The following SLC38A11 variants were observed in gnomAD, a reference collection of about 807,000 sequenced individuals.
SLC38A11 encodes solute carrier family 38 member 11, also known as putative sodium-coupled neutral amino acid transporter 11.
SLC38A11 carries 51 observed loss-of-function variants against 49.4 expected under a neutral mutation model. The ratio of observed to expected loss-of-function variants is 1.03; its 90% CI spans 0.83 to 1.30. The LOEUF is 1.30. Ranked by LOEUF, SLC38A11 falls within the 50% of genes most tolerant of loss-of-function variation. The pLI is 0.00. For missense variants in SLC38A11, 574 were observed against 556.2 expected (o/e 1.03, Z -0.32); for synonymous variants, 203 against 192.9 (o/e 1.05, Z -0.43).
At chr2:164,939,930 A>G (rs1434312416) in intron 5 of SLC38A11, among the ~76,000 whole-genome samples, 1 of 150,708 alleles carries the variant, frequency 6.6e-6, no homozygotes, top group East Asian at 1.9e-4. Flanking sequence ...CCTGCCCAAA[A>G]CTCTTTAATG....
At chr2:164,929,498 C>G (rs992745810) in intron 7 of SLC38A11, among the ~76,000 whole-genome samples, 14 of 152,078 alleles carry the variant, frequency 9.2e-5, no homozygotes, top group African/African-American at 3.1e-4. Flanking sequence ...AAAATTCTTT[C>G]TCTTTCTATG....
At chr2:164,929,673 G>A (rs542480718) in intron 7 of SLC38A11, among the ~76,000 whole-genome samples, 4 of 152,032 alleles carry the variant, frequency 2.6e-5, no homozygotes, top group Non-Finnish European at 5.9e-5. Flanking sequence ...CTAATAATAG[G>A]ACTAACCTTG....
chr2:164,941,917 T>C (rs1195828309), intron 5 of SLC38A11, among the ~76,000 whole-genome samples: 3 of 151,962 alleles, frequency 2.0e-5, no homozygotes, highest in South Asian at 4.1e-4. Flanking sequence ...TGAAATTACA[T>C]GTATTCTTAA....
chr2:164,907,270 C>CTCTTT (rs1685074291), intron 11 of SLC38A11, among the ~76,000 whole-genome samples: 2 of 97,918 alleles, frequency 2.0e-5, no homozygotes, highest in South Asian at 4.4e-4. Context: ...CTTCTTTTCT[C>CTCTTT]TTTTTTTTTT....
chr2:164,926,534 A>G (rs1638591258), intron 7 of SLC38A11, among the ~76,000 whole-genome samples: 1 of 151,556 alleles, frequency 6.6e-6, no homozygotes, highest in Admixed American at 6.6e-5. Flanking sequence ...AAGGTTTATA[A>G]ATCATGCTGC....
At chr2:164,949,758 T>G (rs1332549865) in intron 3 of SLC38A11, among the ~76,000 whole-genome samples, 1 of 152,174 alleles carries the variant, frequency 6.6e-6, no homozygotes, top group Admixed American at 6.5e-5. Flanking sequence ...TGTGAAAGCT[T>G]ATTCTCTCTC....
intron 8 of SLC38A11, 54 bp from the exon 9 acceptor site, chr2:164,915,327 T>G: frequency 6.6e-7 from 1 of 1,507,298 alleles, no homozygotes; most frequent in South Asian, 1.3e-5. Context: ...GTTTTCTTTT[T>G]TAGTTCTGAA....
intron 7 of SLC38A11, among the ~76,000 whole-genome samples, chr2:164,929,957 A>C (rs1409559458): frequency 6.6e-6 from 1 of 151,892 alleles, no homozygotes; most frequent in East Asian, 1.9e-4. Flanking sequence ...CAAAAGATCA[A>C]TGAATCCAGG....
chr2:164,951,686 C>T (rs1688531960), intron 3 of SLC38A11, among the ~76,000 whole-genome samples: 2 of 152,112 alleles, frequency 1.3e-5, no homozygotes, highest in Admixed American at 6.5e-5. Context: ...TGGAGGATCT[C>T]TAGAAGCAGA....
intron 6 of SLC38A11, 164 bp from the exon 7 acceptor site, chr2:164,937,593 G>A (rs989094187): frequency 1.5e-4 from 85 of 552,248 alleles, no homozygotes; most frequent in Middle Eastern, 1.4e-3. Flanking sequence ...TCTCAGGCAG[G>A]TAACTTCTTA....
At chr2:164,948,851 C>T (rs1009529301) in intron 3 of SLC38A11, among the ~76,000 whole-genome samples, 1 of 151,740 alleles carries the variant, frequency 6.6e-6, no homozygotes, top group Non-Finnish European at 1.5e-5. Flanking sequence ...TTTGCATTCC[C>T]ACATTTCCAT....
At chr2:164,939,698 A>G (rs12477032) in intron 5 of SLC38A11, 142 bp from the exon 6 acceptor site, 56,406 of 452,198 alleles carry the variant, frequency 0.12, 4,353 homozygotes, top group East Asian at 0.26. Flanking sequence ...AATACTCTCC[A>G]TAAAAACATA....
intron 3 of SLC38A11, among the ~76,000 whole-genome samples, chr2:164,946,396 T>C (rs1473365540): frequency 6.6e-6 from 1 of 151,826 alleles, no homozygotes; most frequent in East Asian, 1.9e-4. Flanking sequence ...TGAAACCCCA[T>C]CTCTACTAAA....
At chr2:164,907,270 CTTTTTTTTTT>C (rs60527900) in intron 11 of SLC38A11, among the ~76,000 whole-genome samples, 6 of 97,916 alleles carry the variant, frequency 6.1e-5, no homozygotes, top group Admixed American at 1.3e-4. Context: ...CTTCTTTTCT[CTTTTTTTTTT>C]TTTTTTTTTT....
intron 7 of SLC38A11, chr2:164,922,002 A>T (rs1686236259): frequency 6.6e-6 from 1 of 152,144 alleles, no homozygotes; most frequent in African/African-American, 2.4e-5. Context: ...TCATTTTGTA[A>T]TATTGTCTCA....
At chr2:164,917,423 G>T (rs1400766023) in intron 7 of SLC38A11, among the ~76,000 whole-genome samples, 1 of 152,154 alleles carries the variant, frequency 6.6e-6, no homozygotes, top group Non-Finnish European at 1.5e-5. Flanking sequence ...AGGCAGGCCT[G>T]CAAGAGAGGC....
intron 6 of SLC38A11, among the ~76,000 whole-genome samples, chr2:164,939,218 G>A (rs78331876): frequency 0.014 from 2,120 of 151,970 alleles, 46 homozygotes; most frequent in African/African-American, 0.048. Flanking sequence ...TGACATCAGT[G>A]TATCTACCTT....
chr2:164,935,590 A>G (rs915578747), intron 7 of SLC38A11, among the ~76,000 whole-genome samples: 3 of 151,992 alleles, frequency 2.0e-5, no homozygotes, highest in East Asian at 1.9e-4. Context: ...AGGATGAGGC[A>G]GGAGGACTGC....
In SLC38A11 at chr2:164,915,097, A is replaced by C; in HGVS notation, c.850+15T>G. Reference sequence around the variant, plus strand: ...CCAATGCACATGAACACTATAACTGAATCTCTCATTTTACCTTGGGTGAAG... The same window carrying C: ...CCAATGCACATGAACACTATAACTGCATCTCTCATTTTACCTTGGGTGAAG... On this transcript the variant is annotated intron_variant, in intron 9 of 11. Coordinates refer to ENST00000685975, the MANE Select transcript of SLC38A11 (RefSeq NM_001351537.2). 6 of 1,598,708 alleles carry C rather than the reference A, an allele frequency of 3.8e-6. No individual in the cohort carries two copies. The highest frequency in any genetic ancestry group is 4.3e-6 in the Non-Finnish European group (5 of 1,172,816).
Sources: allele counts gnomAD v4.1 joint callset (sites outside exome capture counted in the v4.1 genomes callset), GRCh38; gene constraint gnomAD v4.1.1; transcripts MANE v1.5; gene names NCBI Gene and HGNC (gene_info 2026-07-23, HGNC 2026-07-21).